The following TSPAN17 variants were observed in gnomAD, a reference collection of about 807,000 sequenced individuals.
TSPAN17 encodes tetraspanin-17.
TSPAN17 carries 33 observed loss-of-function variants against 40.5 expected under a neutral mutation model. The observed-to-expected ratio is 0.81, with a 90% CI of 0.62 to 1.09. The LOEUF is 1.09. Ranked by LOEUF, TSPAN17 falls within the 50% of genes least tolerant of loss-of-function variation. The probability of loss-of-function intolerance (pLI) is 0.00; values close to 1 mark genes in which losing one functional copy is unlikely to be tolerated. For synonymous variants in TSPAN17, 166 were observed against 169.4 expected, an observed-to-expected ratio of 0.98 and a Z score of 0.15; for missense variants, 365 against 416.8, an observed-to-expected ratio of 0.88 and a Z score of 1.08.
chr5:176,650,899 T>C lies in TSPAN17; in HGVS notation c.88-717T>C, dbSNP rs551109050. ...ATCCAGGGCTCTTCCCAGTAGGGAA[T>C]TGAGGCAGGAAGGTGGGAAAGCTGA... is the stretch of plus-strand genomic sequence containing the variant. On this transcript the variant is annotated intron_variant, in intron 1 of 8. Transcript: ENST00000508164. The surrounding 1 kb of genome is among the most constrained non-coding windows in gnomAD (Gnocchi z 4.0). Among the ~76,000 whole-genome samples, 28 of 152,146 alleles carry C rather than the reference T, an allele frequency of 1.8e-4. No homozygotes were observed. The highest frequency in any genetic ancestry group is 1.5e-3 in the Admixed American group (23 of 15,298).
In TSPAN17 at chr5:176,657,940, G is replaced by A; in HGVS notation, c.*242G>A. On this transcript the variant is annotated 3_prime_UTR_variant, in exon 9 of 9. Transcript: ENST00000508164. ...GGGCCAATCTGGAGTGAAACACGGG[G>A]ACCTGAAGGATGGAGAGGCTGGACC... The A allele has an allele frequency of 1.7e-6, 1 of 584,386 alleles. No individual in the cohort carries two copies. The highest frequency in any genetic ancestry group is 4.1e-5 in the East Asian group (1 of 24,540). The allele number at this position is 584,386 out of a possible 1,614,324, so 36.2% of individuals were successfully genotyped here.
chr5:176,648,676 AAGGCCTGGCTGTAGC>A (rs374035915), intron 1 of TSPAN17, among the ~76,000 whole-genome samples: 2,582 of 152,258 alleles, frequency 0.017, 33 homozygotes, highest in Middle Eastern at 0.054. Flanking sequence ...AAGAAGTCAG[AAGGCCTGGCTGTAGC>A]AGGCCTGGCT....
rs372768558 is a variant in TSPAN17 at position 176,658,151 on chromosome 5, C to G, written c.*453C>G. The G allele has an allele frequency of 1.3e-5, 2 of 155,514 alleles. No homozygotes were observed. Among genetic ancestry groups the G allele is most frequent in the African/African-American group, 4.8e-5 (2 of 41,466 alleles). The allele number at this position is 155,514 out of a possible 1,614,324, so 9.6% of individuals were successfully genotyped here. A position where few individuals can be genotyped will look rare whatever the true frequency, so the allele number is the denominator to read the frequency against. ...ATCTGGATGGTTGACTCCTAGGAGTCAAGTTCAGCATCTTCACCGTGGCTG... is the reference window on the plus strand; with the variant it reads ...ATCTGGATGGTTGACTCCTAGGAGTGAAGTTCAGCATCTTCACCGTGGCTG... On this transcript the variant is annotated 3_prime_UTR_variant, in exon 9 of 9. Transcript: ENST00000508164.
At chr5:176,657,053 G>T in intron 8 of TSPAN17, 97 bp downstream of exon 8, 3 of 1,265,796 alleles carry the variant, frequency 2.4e-6, no homozygotes, top group Non-Finnish European at 3.3e-6. Flanking sequence ...GGGCAAGGCT[G>T]CAGGAGATGT....
intron 5 of TSPAN17, among the ~76,000 whole-genome samples, chr5:176,655,620 A>C (rs981053643): frequency 1.3e-5 from 2 of 151,800 alleles, no homozygotes; most frequent in Non-Finnish European, 2.9e-5. Flanking sequence ...GCAGCCACGC[A>C]TTCCAGCGTC....
chr5:176,647,821 C>T (rs570831255), intron 1 of TSPAN17, 119 bp downstream of exon 1: 16 of 940,258 alleles, frequency 1.7e-5, no homozygotes, highest in East Asian at 1.6e-4. Context: ...ACCATCCCCC[C>T]ACTTCTGCCA....
In TSPAN17 at chr5:176,651,858, C is replaced by T; in HGVS notation, c.243C>T (p.Gly81=). ...TCATGTCGGTGCTGGGCTTTGCTGG[C>T]TGCATTGGGGCCCTCCGGGAGAACA... is the stretch of plus-strand genomic sequence containing the variant. ...GGVMSVLGFA[G]CIGALRENTF... Residue 81 remains glycine, a synonymous_variant, in exon 3 of 9, where the codon GGC becomes GGT. Coordinates refer to ENST00000508164, the MANE Select transcript of TSPAN17 (RefSeq NM_130465.5). The surrounding 1 kb of genome is among the most constrained non-coding windows in gnomAD (Gnocchi z 4.5). 1 of 1,614,130 alleles carries T rather than the reference C, an allele frequency of 6.2e-7. No individual in the cohort carries two copies. Among genetic ancestry groups the T allele is most frequent in the Non-Finnish European group, 8.5e-7 (1 of 1,180,020 alleles).
chr5:176,657,342 G>A (rs979578829), intron 8 of TSPAN17, 176 bp from the exon 9 acceptor site: 17 of 1,155,878 alleles, frequency 1.5e-5, no homozygotes, highest in Non-Finnish European at 1.8e-5. Context: ...GTGCTGGGAC[G>A]CACCTTTCTG....
At chr5:176,649,073 G>A (rs1035495451) in intron 1 of TSPAN17, among the ~76,000 whole-genome samples, 10 of 152,152 alleles carry the variant, frequency 6.6e-5, no homozygotes, top group African/African-American at 2.4e-4. Flanking sequence ...AAGGTGGCAT[G>A]GAGAAGCGAG....
In TSPAN17 at chr5:176,650,986, A is replaced by G. The variant is rs892983616; in HGVS notation, c.88-630A>G. On this transcript the variant is annotated intron_variant, in intron 1 of 8. Coordinates refer to ENST00000508164, the MANE Select transcript of TSPAN17 (RefSeq NM_130465.5). This position sits in a 1 kb window ranked among gnomAD's most constrained non-coding sequence, Gnocchi z 4.0. ...AGTCTAGCTGGTGTTCTGAAGGCCC[A>G]GGCAGAGCTGTGGCCATGGGGCAAA... Among the ~76,000 whole-genome samples the G allele has an allele frequency of 6.6e-6, 1 of 152,228 alleles. No homozygotes were observed. The highest frequency in any genetic ancestry group is 1.5e-5 in the Non-Finnish European group (1 of 68,034).
chr5:176,654,922 A>G lies in TSPAN17; in HGVS notation c.484A>G (p.Asn162Asp). 1 of 1,613,880 alleles carries G rather than the reference A, an allele frequency of 6.2e-7. No homozygotes were observed. The highest frequency in any genetic ancestry group is 1.7e-5 in the Admixed American group (1 of 60,000). Reference protein sequence around the residue: ...YWSCCGARGPNDWNLNIYFNC... With the variant: ...YWSCCGARGPDDWNLNIYFNC... The stretch of plus-strand genomic sequence containing the variant: ...GTCTTGCTGCGGAGCCCGAGGCCCC[A>G]ATGACTGGAACCTCAATATCTACTT... Residue 162 changes from asparagine to aspartate, a missense_variant, in exon 5 of 9, where the codon AAT becomes GAT. By Grantham distance (23) the Asn-to-Asp change is conservative. Transcript: ENST00000508164. The surrounding 1 kb of genome is among the most constrained non-coding windows in gnomAD (Gnocchi z 4.3).
chr5:176,651,559 G>T lies in TSPAN17; in HGVS notation c.88-57G>T, dbSNP rs561297568. 10 of 1,553,460 alleles carry T rather than the reference G, an allele frequency of 6.4e-6. No individual in the cohort carries two copies. The highest frequency in any genetic ancestry group is 5.8e-5 in the Admixed American group (3 of 51,846). ...GGCCCTGGCTACCGGGGAAGGATGAGGGGGGAGGGTCCTGGGGCTGCTCCC... is the reference window on the plus strand; with the variant it reads ...GGCCCTGGCTACCGGGGAAGGATGATGGGGGAGGGTCCTGGGGCTGCTCCC... On this transcript the variant is annotated intron_variant, in intron 1 of 8. Coordinates refer to ENST00000508164, the MANE Select transcript of TSPAN17 (RefSeq NM_130465.5). The surrounding 1 kb of genome is among the most constrained non-coding windows in gnomAD (Gnocchi z 4.5).
chr5:176,647,601 G>T lies in TSPAN17; in HGVS notation c.-15G>T. The stretch of plus-strand genomic sequence containing the variant: ...TCCCGGCTCCGGTTTCCGGGCCGGC[G>T]GGTGGCCGCTCACCATGCCCGGCAA... On this transcript the variant is annotated 5_prime_UTR_variant, in exon 1 of 9. Transcript: ENST00000508164. The T allele has an allele frequency of 6.4e-7, 1 of 1,558,518 alleles. No individual in the cohort carries two copies. Among genetic ancestry groups the T allele is most frequent in the Non-Finnish European group, 8.7e-7 (1 of 1,155,332 alleles).
rs764425795 is a variant in TSPAN17 at position 176,647,640 on chromosome 5, C to T, written c.25C>T (p.Gln9Ter). The T allele has an allele frequency of 3.3e-5, 52 of 1,596,328 alleles. 3 individuals carry two copies. In the South Asian group the frequency reaches 5.6e-4, roughly 17 times the overall value. Residue 9 changes from glutamine to a stop codon, truncating the protein, a stop_gained, in exon 1 of 9, where the codon CAG (glutamine) becomes TAG (stop). Coordinates refer to ENST00000508164, the MANE Select transcript of TSPAN17 (RefSeq NM_130465.5). LOFTEE classifies it high-confidence loss of function. ...CATGCCCGGCAAGCACCAGCATTTC[C>T]AGGAACCTGAGGTCGGCTGCTGCGG... MPGKHQHF[Q>*]EPEVGCCGKY...
intron 3 of TSPAN17, among the ~76,000 whole-genome samples, 194 bp from the exon 4 acceptor site, chr5:176,652,549 T>C (rs1241977187): frequency 2.6e-5 from 4 of 152,086 alleles, no homozygotes; most frequent in African/African-American, 9.7e-5. Flanking sequence ...ACAAAGGGAA[T>C]TGGATGGGTA....
At chr5:176,656,039 C>T (rs1453624562) in intron 5 of TSPAN17, 39 bp from the exon 6 acceptor site, 11 of 1,598,276 alleles carry the variant, frequency 6.9e-6, no homozygotes, top group South Asian at 2.2e-5. Context: ...CCATGGGATG[C>T]GTCCTCACCA....
intron 1 of TSPAN17, among the ~76,000 whole-genome samples, chr5:176,648,423 G>C (rs1176310837): frequency 6.6e-6 from 1 of 152,234 alleles, no homozygotes; most frequent in East Asian, 1.9e-4. Context: ...GCCCCTCCCA[G>C]GGTGGCATCT....
rs537346213 is a variant in TSPAN17 at position 176,650,106 on chromosome 5, C to T, written c.88-1510C>T. Among the ~76,000 whole-genome samples the T allele has an allele frequency of 5.4e-4, 82 of 152,336 alleles. No individual in the cohort carries two copies. Among genetic ancestry groups the T allele is most frequent in the African/African-American group, 1.8e-3 (76 of 41,570 alleles). On this transcript the variant is annotated intron_variant, in intron 1 of 8. Transcript: ENST00000508164. This position sits in a 1 kb window ranked among gnomAD's most constrained non-coding sequence, Gnocchi z 4.0. ...TGAGGGTCGAGTCCGTCCTATTCAC[C>T]AGCGAATCCCCGGCATGGCGGCGAT...
At position 176,651,770 on chromosome 5, in the gene TSPAN17, T is replaced by C. The variant is rs1760972973; in HGVS notation, c.155T>C (p.Ile52Thr). 3 of 1,614,180 alleles carry C rather than the reference T, an allele frequency of 1.9e-6. No individual in the cohort carries two copies. The East Asian group carries it at 6.7e-5, about 36-fold the overall frequency. Reference sequence around the variant, plus strand: ...CCGGCACAGGGCGTTCTCTCGAACATCTCAGCGCTGACAGATCTGGGAGGC... The same window carrying C: ...CCGGCACAGGGCGTTCTCTCGAACACCTCAGCGCTGACAGATCTGGGAGGC... ...AWGEKGVLSNISALTDLGGLD... is the reference protein window; with the variant it reads ...AWGEKGVLSNTSALTDLGGLD... The change falls in exon 3 of 9, where the codon ATC (isoleucine) becomes ACC (threonine). Residue 52 changes from isoleucine to threonine, a missense_variant. Transcript: ENST00000508164. The surrounding 1 kb of genome is among the most constrained non-coding windows in gnomAD (Gnocchi z 4.5).
Sources: allele counts gnomAD v4.1 joint callset (sites outside exome capture counted in the v4.1 genomes callset), GRCh38; gene constraint gnomAD v4.1.1; non-coding constraint Gnocchi (gnomAD v3.1); transcripts MANE v1.5; gene names NCBI Gene and HGNC (gene_info 2026-07-23, HGNC 2026-07-21).